Variants in CCR9 observed in about 807,000 individuals in gnomAD.
CCR9 encodes the protein C-C chemokine receptor type 9.
A neutral mutation model predicts 8.7 loss-of-function variants in CCR9; 4 were observed. The ratio of observed to expected loss-of-function variants is 0.46; its 90% CI spans 0.23 to 1.06. The LOEUF (loss-of-function observed/expected upper bound fraction) is 1.06. CCR9 is among the 50% of genes least tolerant of loss of function. The probability of loss-of-function intolerance (pLI) is 0.21; values close to 1 mark genes in which losing one functional copy is unlikely to be tolerated. For synonymous variants in CCR9, 159 were observed against 168.8 expected, an observed-to-expected ratio of 0.94 and a Z score of 0.45; for missense variants, 394 against 453.6, an observed-to-expected ratio of 0.87 and a Z score of 1.19.
chr3:45,898,889 C>T (rs1295975115), intron 2 of CCR9, among the ~76,000 whole-genome samples: 11 of 152,316 alleles, frequency 7.2e-5, no homozygotes, highest in South Asian at 2.1e-4. Flanking sequence ...AGTTCTGGGC[C>T]GGGCATGGTG....
chr3:45,900,925 T>C lies in CCR9; in HGVS notation c.137T>C (p.Phe46Ser). 6.2e-7 allele frequency: 1 copy of C among 1,614,172 alleles called. No homozygotes were observed. Among genetic ancestry groups the C allele is most frequent in the Non-Finnish European group, 8.5e-7 (1 of 1,180,028 alleles). Residue 46 changes from phenylalanine to serine, a missense_variant, in exon 3 of 3, where the codon TTT becomes TCT. Physicochemically the swap from Phe to Ser is radical, Grantham distance 155. Transcript: ENST00000357632. This position sits in a 1 kb window ranked among gnomAD's most constrained non-coding sequence, Gnocchi z 4.7. ...TGTGAGAAAAACAATGTCAGGCAGT[T>C]TGCGAGCCATTTCCTCCCACCCTTG... Reference protein sequence around the residue: ...FYCEKNNVRQFASHFLPPLYW... With the variant: ...FYCEKNNVRQSASHFLPPLYW...
At position 45,900,574 on chromosome 3, in the gene CCR9, A is replaced by T. The variant is rs907595954; in HGVS notation, c.22-236A>T. Among the ~76,000 whole-genome samples, 18 of 152,262 alleles carry T rather than the reference A, an allele frequency of 1.2e-4. No homozygotes were observed. Among genetic ancestry groups the T allele is most frequent in the African/African-American group, 4.3e-4 (18 of 41,550 alleles). Reference sequence around the variant, plus strand: ...GTGAAGCCACACATCTGACTTATTTATTATGGTTTCTTTGGCACATAGCAC... The same window carrying T: ...GTGAAGCCACACATCTGACTTATTTTTTATGGTTTCTTTGGCACATAGCAC... On this transcript the variant is annotated intron_variant, in intron 2 of 2. Coordinates refer to ENST00000357632, the MANE Select transcript of CCR9 (RefSeq NM_031200.3). This position sits in a 1 kb window ranked among gnomAD's most constrained non-coding sequence, Gnocchi z 4.7.
intron 1 of CCR9, among the ~76,000 whole-genome samples, chr3:45,892,597 T>G (rs1702221308): frequency 6.6e-6 from 1 of 152,088 alleles, no homozygotes; most frequent in South Asian, 2.1e-4. Context: ...ATAAAAAAAC[T>G]ATCTACCAGT....
At chr3:45,887,354 A>G (rs535912457) in intron 1 of CCR9, among the ~76,000 whole-genome samples, 1 of 152,264 alleles carries the variant, frequency 6.6e-6, no homozygotes, top group African/African-American at 2.4e-5. Context: ...AGGGTGCTTC[A>G]GGAGTTTTTA....
intron 1 of CCR9, among the ~76,000 whole-genome samples, chr3:45,889,612 C>T (rs945369621): frequency 5.3e-5 from 8 of 151,814 alleles, no homozygotes; most frequent in Non-Finnish European, 2.9e-5. Context: ...TCATTTTCCA[C>T]TGGTCACAGT....
At chr3:45,892,409 A>G (rs566172154) in intron 1 of CCR9, among the ~76,000 whole-genome samples, 2 of 152,326 alleles carry the variant, frequency 1.3e-5, no homozygotes, top group East Asian at 3.9e-4. Context: ...TGTCCTTTGA[A>G]GCAACATGGA....
intron 1 of CCR9, among the ~76,000 whole-genome samples, chr3:45,891,463 T>G (rs954680158): frequency 6.6e-6 from 1 of 152,184 alleles, no homozygotes; most frequent in Non-Finnish European, 1.5e-5. Context: ...TTTCATTAAT[T>G]TTTTGCATTT....
At chr3:45,891,992 C>T (rs1050027275) in intron 1 of CCR9, among the ~76,000 whole-genome samples, 4 of 152,046 alleles carry the variant, frequency 2.6e-5, no homozygotes, top group African/African-American at 9.7e-5. Context: ...GGTTTGAAGA[C>T]CAACTTAGCT....
Position 45,901,538 on chromosome 3 carries a change from C to T in CCR9, c.750C>T (p.His250=), listed in dbSNP as rs372342915. 2 of 1,614,216 alleles carry T rather than the reference C, an allele frequency of 1.2e-6. No homozygotes were observed. Among genetic ancestry groups the T allele is most frequent in the Admixed American group, 1.7e-5 (1 of 60,032 alleles). The change falls in exon 3 of 3, where the codon CAC becomes CAT. Residue 250 remains histidine, a synonymous_variant. Coordinates refer to ENST00000357632, the MANE Select transcript of CCR9 (RefSeq NM_031200.3). This position sits in a 1 kb window ranked among gnomAD's most constrained non-coding sequence, Gnocchi z 4.3. ...TACAAGCCAAGAAGTCTTCCAAGCA[C>T]AAAGCCCTAAAAGTGACCATCACTG... The part of the protein sequence containing the change: ...TLIQAKKSSK[H]KALKVTITVL...
At chr3:45,891,181 A>T (rs1575295091) in intron 1 of CCR9, among the ~76,000 whole-genome samples, 2 of 152,358 alleles carry the variant, frequency 1.3e-5, no homozygotes, top group East Asian at 3.9e-4. Context: ...GTGAATGCCC[A>T]GGTGGCTGGG....
Position 45,902,092 on chromosome 3 carries a change from G to A in CCR9, c.*194G>A. The stretch of plus-strand genomic sequence containing the variant: ...AATCAACTGACTAGTGCAGGAGGCT[G>A]TTGATTGGCTCTTGACTGTGATGCC... On this transcript the variant is annotated 3_prime_UTR_variant, in exon 3 of 3. Transcript: ENST00000357632. 1 of 555,462 alleles carries A rather than the reference G, an allele frequency of 1.8e-6. No homozygotes were observed. The highest frequency in any genetic ancestry group is 3.2e-6 in the Non-Finnish European group (1 of 312,180). The allele number at this position is 555,462 out of a possible 1,614,324, so 34.4% of individuals were successfully genotyped here.
intron 2 of CCR9, among the ~76,000 whole-genome samples, chr3:45,898,984 G>A (rs538872234): frequency 5.9e-5 from 9 of 152,128 alleles, no homozygotes; most frequent in Non-Finnish European, 1.2e-4. Flanking sequence ...TGACCAACAT[G>A]GTGAAATCCC....
At chr3:45,895,017 T>C in intron 2 of CCR9, 63 bp downstream of exon 2, 2 of 1,509,880 alleles carry the variant, frequency 1.3e-6, no homozygotes, top group Admixed American at 1.7e-5. Flanking sequence ...TTTTAGGGGG[T>C]GTGGGAAGGA....
intron 2 of CCR9, among the ~76,000 whole-genome samples, chr3:45,898,083 C>A (rs529163749): frequency 1.0e-3 from 156 of 152,084 alleles, no homozygotes; most frequent in African/African-American, 3.5e-3. Context: ...GATTCACAGT[C>A]GGTACTTGCT....
rs1376671375 is a variant in CCR9, at chr3:45,901,306, G to A, written c.518G>A (p.Trp173Ter). ...AGCAAAATGGTTTGCTTTACCATCTGGGTATTGGCAGCTGCTCTCTGCATC... is the reference window on the plus strand; with the variant it reads ...AGCAAAATGGTTTGCTTTACCATCTAGGTATTGGCAGCTGCTCTCTGCATC... Reference protein sequence around the residue: ...LYSKMVCFTIWVLAAALCIPE... With the variant: ...LYSKMVCFTI Residue 173 changes from tryptophan to a stop codon, truncating the protein, a stop_gained, in exon 3 of 3, where the codon TGG becomes TAG. Coordinates refer to ENST00000357632, the MANE Select transcript of CCR9 (RefSeq NM_031200.3). LOFTEE classifies it low-confidence loss of function (END_TRUNC). This position sits in a 1 kb window ranked among gnomAD's most constrained non-coding sequence, Gnocchi z 4.3. 2 of 1,614,040 alleles carry A rather than the reference G, an allele frequency of 1.2e-6. No homozygotes were observed. The highest frequency in any genetic ancestry group is 2.7e-5 in the African/African-American group (2 of 74,902).
At position 45,901,764 on chromosome 3, in the gene CCR9, C is replaced by T. The variant is rs751139030; in HGVS notation, c.976C>T (p.Arg326Trp). The change falls in exon 3 of 3, where the codon CGG becomes TGG. Residue 326 changes from arginine to tryptophan, a missense_variant. Arg to Trp is a moderately radical substitution (Grantham distance 101). Coordinates refer to ENST00000357632, the MANE Select transcript of CCR9 (RefSeq NM_031200.3). This position sits in a 1 kb window ranked among gnomAD's most constrained non-coding sequence, Gnocchi z 4.3. ...LYVFVGERFRRDLVKTLKNLG... is the reference protein window; with the variant it reads ...LYVFVGERFRWDLVKTLKNLG... Reference sequence around the variant, plus strand: ...TGTTTTTGTGGGTGAGAGATTCCGCCGGGATCTCGTGAAAACCCTGAAGAA... The same window carrying T: ...TGTTTTTGTGGGTGAGAGATTCCGCTGGGATCTCGTGAAAACCCTGAAGAA... 3.1e-6 allele frequency: 5 copies of T among 1,614,110 alleles called. No individual in the cohort carries two copies. The highest frequency in any genetic ancestry group is 3.3e-5 in the Admixed American group (2 of 60,018).
At chr3:45,896,115 G>T (rs1299507654) in intron 2 of CCR9, among the ~76,000 whole-genome samples, 1 of 152,216 alleles carries the variant, frequency 6.6e-6, no homozygotes, top group Admixed American at 6.5e-5. Flanking sequence ...TTTGGTCCTG[G>T]TGAAGTAACT....
chr3:45,889,065 A>C (rs2125738440), intron 1 of CCR9, among the ~76,000 whole-genome samples: 1 of 152,330 alleles, frequency 6.6e-6, no homozygotes. Context: ...AGCTCACTTC[A>C]GCCTTGAACT....
intron 1 of CCR9, among the ~76,000 whole-genome samples, chr3:45,892,456 A>G (rs1702213334): frequency 6.6e-6 from 1 of 152,210 alleles, no homozygotes; most frequent in Non-Finnish European, 1.5e-5. Context: ...GAATTAACAC[A>G]GAACAGAAAA....
Sources: allele counts gnomAD v4.1 joint callset (sites outside exome capture counted in the v4.1 genomes callset), GRCh38; gene constraint gnomAD v4.1.1; non-coding constraint Gnocchi (gnomAD v3.1); transcripts MANE v1.5; gene names NCBI Gene and HGNC (gene_info 2026-07-23, HGNC 2026-07-21).